EPHA10: variants seen among roughly 807,000 people sequenced by gnomAD.
The protein encoded by EPHA10 is EPH receptor A10.
Under a neutral mutation model 109.7 loss-of-function variants are expected in EPHA10, and 120 were observed. That is an observed-to-expected ratio of 1.09 (90% confidence interval 0.94 to 1.27). EPHA10 has a LOEUF of 1.27. Among genes scored for constraint, EPHA10 ranks in the 50% most tolerant of loss-of-function variants. The probability of loss-of-function intolerance (pLI) is 0.00; values close to 1 mark genes in which losing one functional copy is unlikely to be tolerated. For synonymous variants in EPHA10, 640 were observed against 618.9 expected, an observed-to-expected ratio of 1.03 and a Z score of -0.51; for missense variants, 1,396 against 1,411.1, an observed-to-expected ratio of 0.99 and a Z score of 0.17.
At chr1:37,727,658 T>C (rs1645916708) in intron 7 of EPHA10, among the ~76,000 whole-genome samples, 1 of 152,230 alleles carries the variant, frequency 6.6e-6, no homozygotes, top group Non-Finnish European at 1.5e-5. Flanking sequence ...TACACTATAC[T>C]GTCTTGTTTC....
chr1:37,723,145 G>A lies in EPHA10; in HGVS notation c.1856C>T (p.Thr619Ile), dbSNP rs966546313. The A allele has an allele frequency of 2.5e-6, 4 of 1,613,892 alleles. No homozygotes were observed. Among genetic ancestry groups the A allele is most frequent in the Non-Finnish European group, 3.4e-6 (4 of 1,179,922 alleles). Residue 619 changes from threonine (T) to isoleucine (I), a missense_variant, in exon 10 of 17, where the codon ACA becomes ATA. By Grantham distance (89) the Thr-to-Ile change is moderately conservative (BLOSUM62 -1). Transcript: ENST00000373048. ...YFHFKVPTRR[T>I]FLDPQSCGDL... is the part of the protein sequence containing the mutation. ...CCCACAGCTCTGGGGGTCCAGGAAT[G>A]TGCGACGTGTTGGGACTTTGACTGG...
At chr1:37,746,270 T>C (rs1646241331) in intron 5 of EPHA10, among the ~76,000 whole-genome samples, 2 of 152,060 alleles carry the variant, frequency 1.3e-5, no homozygotes, top group Non-Finnish European at 2.9e-5. Flanking sequence ...CCAGCTAATC[T>C]TGTATTTTTA....
In EPHA10 at chr1:37,720,500, C is replaced by A; in HGVS notation, c.2263G>T (p.Ala755Ser). ...TCTGACAGATACTTCATGGCTGATG[C>A]CAGCCCAGGCAGCAACCCCATCAGT... ...GQLMGLLPGL[A>S]SAMKYLSEMG... The change falls in exon 13 of 17, where the codon GCA becomes TCA. Residue 755 changes from alanine (A) to serine (S), a missense_variant. Physicochemically the swap from Ala to Ser is moderately conservative, Grantham distance 99. Transcript: ENST00000373048. 1 of 1,613,004 alleles carries A rather than the reference C, an allele frequency of 6.2e-7. No homozygotes were observed. The highest frequency in any genetic ancestry group is 8.5e-7 in the Non-Finnish European group (1 of 1,179,824).
intron 5 of EPHA10, among the ~76,000 whole-genome samples, chr1:37,752,068 G>C (rs1405418620): frequency 5.9e-5 from 9 of 152,112 alleles, no homozygotes; most frequent in Non-Finnish European, 2.9e-5. Context: ...CAGGGTGACA[G>C]GCCGACCCTA....
intron 7 of EPHA10, among the ~76,000 whole-genome samples, chr1:37,729,574 A>T (rs1211697995): frequency 6.6e-6 from 1 of 151,958 alleles, no homozygotes; most frequent in Non-Finnish European, 1.5e-5. Flanking sequence ...AAAAAAAGAA[A>T]AAAGAAAAAG....
chr1:37,715,437 G>A (rs947951989), downstream of EPHA10, among the ~76,000 whole-genome samples: 2 of 151,968 alleles, frequency 1.3e-5, no homozygotes, highest in African/African-American at 4.8e-5. Context: ...CAACACTGAC[G>A]TCTCCCCTCT....
intron 5 of EPHA10, among the ~76,000 whole-genome samples, chr1:37,737,070 A>AT (rs1174217408): frequency 6.6e-6 from 1 of 152,216 alleles, no homozygotes; most frequent in Non-Finnish European, 1.5e-5. Context: ...AATCCCAGGC[A>AT]TTTTTTGCAG....
rs1645710330 is a variant in EPHA10, at chr1:37,717,399, C to T, written c.*973G>A. 4.3e-6 allele frequency: 1 copy of T among 232,500 alleles called. No homozygotes were observed. The highest frequency in any genetic ancestry group is 8.5e-6 in the Non-Finnish European group (1 of 117,726). 14.4% of individuals were successfully genotyped at this position (232,500 alleles called of 1,614,324 possible). On this transcript the variant is annotated 3_prime_UTR_variant, in exon 17 of 17. Transcript: ENST00000373048. Reference sequence around the variant, plus strand: ...TCTCTCCCCAGAGCCAGCCTTACCCCTGGATTGGGTTCTGACCTCAGCTCT... The same window carrying T: ...TCTCTCCCCAGAGCCAGCCTTACCCTTGGATTGGGTTCTGACCTCAGCTCT...
chr1:37,761,301 C>T (rs1025336835), intron 3 of EPHA10, 104 bp downstream of exon 3: 68 of 1,541,938 alleles, frequency 4.4e-5, no homozygotes, highest in Non-Finnish European at 5.3e-5. Context: ...GCTTCTCCAC[C>T]GCCCCCCGAC....
rs1329045094 is a variant in EPHA10 at position 37,731,627 on chromosome 1, T to G, written c.1492-45A>C. 5 of 1,557,992 alleles carry G rather than the reference T, an allele frequency of 3.2e-6. No homozygotes were observed. In the Admixed American group the frequency reaches 9.4e-5, roughly 29 times the overall value. ...TGAAGCCCACCAGCGCCAGATCCAC[T>G]GTTCTAGGAGAACAAAGGGTGAACA... On this transcript the variant is annotated intron_variant, in intron 6 of 16. Coordinates refer to ENST00000373048, the MANE Select transcript of EPHA10 (RefSeq NM_001099439.2).
intron 5 of EPHA10, among the ~76,000 whole-genome samples, chr1:37,744,373 A>G (rs1385522151): frequency 2.6e-5 from 4 of 151,364 alleles, no homozygotes; most frequent in Admixed American, 2.6e-4. Context: ...AAAAAAAATT[A>G]GCTGGGTGCG....
chr1:37,724,988 G>A (rs1645864246), intron 8 of EPHA10, among the ~76,000 whole-genome samples: 8 of 152,204 alleles, frequency 5.3e-5, no homozygotes. Flanking sequence ...ATGGCAAAAG[G>A]GTGGGGTTCA....
At chr1:37,762,988 T>G (rs1646446718) in intron 1 of EPHA10, 139 bp from the exon 2 acceptor site, 2 of 734,062 alleles carry the variant, frequency 2.7e-6, no homozygotes, top group Non-Finnish European at 4.5e-6. Context: ...TTTTTCCCAC[T>G]CCATACATCC....
In EPHA10 at chr1:37,754,275, A is replaced by G; in HGVS notation, c.946T>C (p.Cys316Arg). The change falls in exon 4 of 17, where the codon TGC becomes CGC. Residue 316 changes from cysteine to arginine, a missense_variant. Physicochemically the swap from Cys to Arg is radical, Grantham distance 180. Transcript: ENST00000373048. The surrounding 1 kb of genome is among the most constrained non-coding windows in gnomAD (Gnocchi z 4.5). The part of the protein sequence containing the change: ...SRALENASTF[C>R]VCQDSYARSP... ...CGCGCATAGCTGTCCTGGCACACGC[A>G]GAAGGTGGAGGCGTTTTCCAGGGCC... is the stretch of plus-strand genomic sequence containing the variant. 2.3e-6 allele frequency: 3 copies of G among 1,320,160 alleles called. No homozygotes were observed. The highest frequency in any genetic ancestry group is 2.9e-6 in the Non-Finnish European group (3 of 1,029,030). The allele number at this position is 1,320,160 out of a possible 1,614,324, so 81.8% of individuals were successfully genotyped here. A position where few individuals can be genotyped will look rare whatever the true frequency, so the allele number is the denominator to read the frequency against.
intron 6 of EPHA10, among the ~76,000 whole-genome samples, chr1:37,733,767 T>A (rs536461532): frequency 6.6e-6 from 1 of 152,126 alleles, no homozygotes; most frequent in African/African-American, 2.4e-5. Flanking sequence ...TGGCAGCAGC[T>A]ACTGTCTCTA....
Position 37,718,767 on chromosome 1 carries a change from C to T in EPHA10, c.2806G>A (p.Gly936Ser), listed in dbSNP as rs200181512. The T allele has an allele frequency of 3.4e-4, 541 of 1,612,986 alleles. No homozygotes were observed. Among genetic ancestry groups the T allele is most frequent in the Non-Finnish European group, 4.2e-4 (493 of 1,179,994 alleles). The change falls in exon 16 of 17, where the codon GGC (glycine) becomes AGC (serine). Residue 936 changes from glycine (G) to serine (S), a missense_variant. Gly to Ser is a moderately conservative substitution (Grantham distance 56, BLOSUM62 0). Coordinates refer to ENST00000373048, the MANE Select transcript of EPHA10 (RefSeq NM_001099439.2). ...DRAFSTFPSF[G>S]SVGAWLEALD... Reference sequence around the variant, plus strand: ...GCCTCCAGCCACGCGCCCACAGAGCCAAAGGAGGGGAAGGTGGAGAAGGCA... The same window carrying T: ...GCCTCCAGCCACGCGCCCACAGAGCTAAAGGAGGGGAAGGTGGAGAAGGCA...
At position 37,721,673 on chromosome 1, in the gene EPHA10, GC is replaced by G. The variant is rs1557530687; in HGVS notation, c.2132del (p.Gly711AlafsTer9). 2 of 1,605,572 alleles carry G rather than the reference GC, an allele frequency of 1.2e-6. No homozygotes were observed. Among genetic ancestry groups the G allele is most frequent in the Non-Finnish European group, 1.7e-6 (2 of 1,175,912 alleles). ...FDHSHIVRLE[G>X]VVTRGSTLMI... ...ACCGGGCCCTACCTCGGGTAACAACGCCCTCCAGCCGCACGATGTGGCTATG... is the reference window on the plus strand; with the variant it reads ...ACCGGGCCCTACCTCGGGTAACAACGCCTCCAGCCGCACGATGTGGCTATG... On this transcript the variant is annotated frameshift_variant, in exon 11 of 17. Coordinates refer to ENST00000373048, the MANE Select transcript of EPHA10 (RefSeq NM_001099439.2). LOFTEE classifies it high-confidence loss of function.
chr1:37,720,970 G>A (rs1388128423), intron 11 of EPHA10, 126 bp from the exon 12 acceptor site: 36 of 834,054 alleles, frequency 4.3e-5, no homozygotes, highest in Admixed American at 6.6e-5. Context: ...CCCTAATCTC[G>A]CCATCCTCCT....
At chr1:37,731,674 C>G in intron 6 of EPHA10, 92 bp from the exon 7 acceptor site, 1 of 1,390,040 alleles carries the variant, frequency 7.2e-7, no homozygotes, top group Non-Finnish European at 9.6e-7. Flanking sequence ...GCAGGAGAAG[C>G]GCCCTTACGT....
Sources: gnomAD v4.1 joint callset for allele counts (sites outside exome capture counted in the v4.1 genomes callset) on GRCh38, gnomAD v4.1.1 for gene constraint, Gnocchi (gnomAD v3.1) non-coding constraint, MANE v1.5 for transcripts, NCBI Gene and HGNC (gene_info 2026-07-23, HGNC 2026-07-21) for gene names.